Variants in ANO10 observed in about 807,000 individuals in gnomAD.
The protein encoded by ANO10 is anoctamin-10.
ANO10 carries 77 observed loss-of-function variants against 74.7 expected under a neutral mutation model. The ratio of observed to expected loss-of-function variants is 1.03; its 90% CI spans 0.86 to 1.25. The LOEUF (loss-of-function observed/expected upper bound fraction) is 1.25. ANO10 is among the 50% of genes most tolerant of loss of function. ANO10 has a pLI of 0.00. For synonymous variants in ANO10, 279 were observed against 284.9 expected (o/e 0.98, Z 0.21); for missense variants, 721 against 778.1 (o/e 0.93, Z 0.87).
intron 1 of ANO10, among the ~76,000 whole-genome samples, chr3:43,633,032 T>C (rs1415459135): frequency 6.6e-6 from 1 of 152,144 alleles, no homozygotes; most frequent in Non-Finnish European, 1.5e-5. Context: ...ACATATCAAG[T>C]AGAAATAAAA....
At chr3:43,684,333 C>T (rs1156558791) in intron 1 of ANO10, among the ~76,000 whole-genome samples, 1 of 152,178 alleles carries the variant, frequency 6.6e-6, no homozygotes, top group African/African-American at 2.4e-5. Flanking sequence ...TGAAAAAATG[C>T]TCATCATCAC....
At chr3:43,596,021 A>C in intron 4 of ANO10, among the ~76,000 whole-genome samples, 1 of 152,212 alleles carries the variant, frequency 6.6e-6, no homozygotes, top group Non-Finnish European at 1.5e-5. Context: ...AGTTGCTTCA[A>C]AGAAAATAAA....
intron 1 of ANO10, chr3:43,690,717 C>T (rs1279152173): frequency 1.3e-5 from 5 of 399,284 alleles, no homozygotes; most frequent in African/African-American, 1.0e-4. Flanking sequence ...TCGGGTGAGT[C>T]TCGCCAGTCC....
At chr3:43,367,297 G>A (rs2091447246) in intron 12 of ANO10, among the ~76,000 whole-genome samples, 1 of 152,232 alleles carries the variant, frequency 6.6e-6, no homozygotes, top group Non-Finnish European at 1.5e-5. Flanking sequence ...AGAGGACGGG[G>A]CACAGGCTTG....
intron 1 of ANO10, chr3:43,690,852 G>T: frequency 1.2e-6 from 1 of 853,702 alleles, no homozygotes; most frequent in Non-Finnish European, 1.6e-6. Context: ...AAACGCGGGC[G>T]CGCCGCCGGG....
At chr3:43,558,001 A>T (rs2079842086) in intron 9 of ANO10, among the ~76,000 whole-genome samples, 1 of 149,642 alleles carries the variant, frequency 6.7e-6, no homozygotes, top group African/African-American at 2.5e-5. Flanking sequence ...GCTACTCAGG[A>T]GGCTGAGGTA....
At chr3:43,518,992 T>C (rs2077831140) in intron 11 of ANO10, among the ~76,000 whole-genome samples, 1 of 152,130 alleles carries the variant, frequency 6.6e-6, no homozygotes, top group African/African-American at 2.4e-5. Flanking sequence ...CCCTCCCCTT[T>C]TGAAATCCAT....
intron 12 of ANO10, among the ~76,000 whole-genome samples, chr3:43,384,915 T>C (rs926067595): frequency 6.6e-6 from 1 of 152,008 alleles, no homozygotes; most frequent in East Asian, 1.9e-4. Context: ...TAAAGATAAA[T>C]AGATGGGACT....
chr3:43,561,952 A>C (rs1470083477), intron 8 of ANO10, among the ~76,000 whole-genome samples: 1 of 152,230 alleles, frequency 6.6e-6, no homozygotes, highest in Non-Finnish European at 1.5e-5. Context: ...GGATAAAAAA[A>C]GTTTGGCTAA....
At chr3:43,417,914 G>A (rs921354546) in intron 12 of ANO10, among the ~76,000 whole-genome samples, 4 of 152,120 alleles carry the variant, frequency 2.6e-5, no homozygotes, top group African/African-American at 4.8e-5. Context: ...AGGATGGTTC[G>A]ATAACAGCAA....
intron 11 of ANO10, among the ~76,000 whole-genome samples, chr3:43,510,034 G>A (rs1338035645): frequency 6.6e-6 from 1 of 152,094 alleles, no homozygotes; most frequent in Non-Finnish European, 1.5e-5. Flanking sequence ...TGATCATCAG[G>A]GGTAAGGAAT....
In ANO10 at chr3:43,422,435, T is replaced by C. The variant is rs572392323; in HGVS notation, c.1914+10176A>G. 2.0e-5 allele frequency among the ~76,000 whole-genome samples: 3 copies of C among 152,312 alleles called. No homozygotes were observed. In the South Asian group the frequency reaches 6.2e-4, roughly 32 times the overall value. On this transcript the variant is annotated intron_variant, in intron 12 of 12. Transcript: ENST00000292246. Reference sequence around the variant, plus strand: ...CACCCTTTTTTGTTGTTTTTAAATATAGTTTTAAGCATTCTGATATCTCTA... The same window carrying C: ...CACCCTTTTTTGTTGTTTTTAAATACAGTTTTAAGCATTCTGATATCTCTA...
intron 11 of ANO10, among the ~76,000 whole-genome samples, chr3:43,490,878 A>C (rs970889401): frequency 6.6e-6 from 1 of 152,148 alleles, no homozygotes; most frequent in Non-Finnish European, 1.5e-5. Flanking sequence ...TAAAATAATA[A>C]TTGGCCACAG....
At chr3:43,670,324 T>TTAAA (rs61670690) in intron 1 of ANO10, among the ~76,000 whole-genome samples, 104,753 of 145,816 alleles carry the variant, frequency 0.72, 38,070 homozygotes, top group East Asian at 0.81. Context: ...AGACCCTTTC[T>TTAAA]TAAATAAATA....
intron 1 of ANO10, among the ~76,000 whole-genome samples, chr3:43,651,509 G>T (rs527593923): frequency 1.3e-4 from 20 of 152,144 alleles, no homozygotes; most frequent in Non-Finnish European, 2.8e-4. Flanking sequence ...TAAAAAAAGA[G>T]GGAGTATTTT....
At chr3:43,396,041 T>G (rs1367372919) in intron 12 of ANO10, among the ~76,000 whole-genome samples, 1 of 152,088 alleles carries the variant, frequency 6.6e-6, no homozygotes, top group African/African-American at 2.4e-5. Flanking sequence ...CTTCTTCCTT[T>G]CTATTCTGAA....
chr3:43,555,400 G>A lies in ANO10; in HGVS notation c.1546C>T (p.Pro516Ser), dbSNP rs2079694359. The A allele has an allele frequency of 1.2e-6, 2 of 1,613,888 alleles. No individual in the cohort carries two copies. Among genetic ancestry groups the A allele is most frequent in the African/African-American group, 1.3e-5 (1 of 74,874 alleles). ...GYVSLFSCVYPLAAAFAVLNN... is the reference protein window; with the variant it reads ...GYVSLFSCVYSLAAAFAVLNN... ...AACACAGCAAAGGCAGCTGCTAATG[G>A]GTAAACACAGGAGAAAAGGCTCACA... The change falls in exon 10 of 13, where the codon CCA (proline) becomes TCA (serine). Residue 516 changes from proline (P) to serine (S), a missense_variant. By Grantham distance (74) the Pro-to-Ser change is moderately conservative. Coordinates refer to ENST00000292246, the MANE Select transcript of ANO10 (RefSeq NM_018075.5).
At position 43,482,370 on chromosome 3, in the gene ANO10, C is replaced by T. The variant is rs375579410; in HGVS notation, c.1798-49643G>A. Among the ~76,000 whole-genome samples, 16 of 152,226 alleles carry T rather than the reference C, an allele frequency of 1.1e-4. 1 individual carries two copies. Among genetic ancestry groups the T allele is most frequent in the East Asian group, 7.7e-4 (4 of 5,176 alleles). On this transcript the variant is annotated intron_variant, in intron 11 of 12. Transcript: ENST00000292246. ...GGCTCAGAATAAGTCTCTTCAAATA[C>T]TTCACAGAGTTTGACTCTTTTCATT...
At chr3:43,553,541 T>C (rs1426022079) in intron 10 of ANO10, among the ~76,000 whole-genome samples, 3 of 11,328 alleles carry the variant, frequency 2.6e-4, no homozygotes, top group African/African-American at 5.5e-4. Flanking sequence ...ATTTCTCTCT[T>C]TTTTTTTTTT....
Sources: allele counts gnomAD v4.1 joint callset (sites outside exome capture counted in the v4.1 genomes callset), GRCh38; gene constraint gnomAD v4.1.1; transcripts MANE v1.5; gene names NCBI Gene and HGNC (gene_info 2026-07-23, HGNC 2026-07-21).